WWOX: variants seen among roughly 807,000 people sequenced by gnomAD.
The protein encoded by WWOX is WW domain-containing oxidoreductase.
In WWOX, 69 loss-of-function variants were observed where a neutral mutation model predicts 46.2. The ratio of observed to expected loss-of-function variants is 1.49; its 90% CI spans 1.23 to 1.82. The LOEUF (loss-of-function observed/expected upper bound fraction) is 1.82, where lower values mean the gene tolerates loss of function less well. Among genes scored for constraint, WWOX ranks in the 40% most tolerant of loss-of-function variants. WWOX has a pLI of 0.00. For missense variants in WWOX, 919 were observed against 542.6 expected (o/e 1.69, Z -6.89); for synonymous variants, 359 against 202.6 (o/e 1.77, Z -6.56).
At chr16:79,086,936 T>C (rs1280647367) in intron 8 of WWOX, among the ~76,000 whole-genome samples, 1 of 152,132 alleles carries the variant, frequency 6.6e-6, no homozygotes, top group Non-Finnish European at 1.5e-5. Context: ...CAGTCACATC[T>C]CTAGTACAGA....
intron 8 of WWOX, among the ~76,000 whole-genome samples, chr16:79,047,116 A>G (rs1055904233): frequency 2.6e-5 from 4 of 152,174 alleles, no homozygotes; most frequent in African/African-American, 9.7e-5. Flanking sequence ...AGCCATTCAC[A>G]TATGTATTCA....
rs868697917 is a variant in WWOX at position 78,406,354 on chromosome 16, A to T, written c.606-18516A>T. On this transcript the variant is annotated intron_variant, in intron 6 of 8. Coordinates refer to ENST00000566780, the MANE Select transcript of WWOX (RefSeq NM_016373.4). ...TATATATATATATATATATATATAT[A>T]TTTTATTATTTTTTTTTGAGACGGA... Among the ~76,000 whole-genome samples the T allele has an allele frequency of 2.1e-3, 138 of 66,374 alleles. 1 individual carries two copies. The highest frequency in any genetic ancestry group is 3.5e-3 in the East Asian group (9 of 2,562). 43.5% of individuals were successfully genotyped at this position (66,374 alleles called of 152,430 possible). A position where few individuals can be genotyped will look rare whatever the true frequency, so the allele number is the denominator to read the frequency against.
intron 8 of WWOX, among the ~76,000 whole-genome samples, chr16:79,125,096 C>T (rs566518942): frequency 5.3e-5 from 8 of 150,820 alleles, no homozygotes; most frequent in Admixed American, 2.6e-4. Context: ...TATGCAGATC[C>T]TGCTAGAGAC....
intron 8 of WWOX, among the ~76,000 whole-genome samples, chr16:78,640,624 C>T (rs1045120616): frequency 6.6e-6 from 1 of 151,948 alleles, no homozygotes; most frequent in African/African-American, 2.4e-5. Context: ...CACATTGTAC[C>T]CTGGAACTTA....
At chr16:78,797,728 C>T (rs1165204001) in intron 8 of WWOX, among the ~76,000 whole-genome samples, 1 of 152,214 alleles carries the variant, frequency 6.6e-6, no homozygotes, top group African/African-American at 2.4e-5. Context: ...TAGGTCATGC[C>T]TGTAATCCCA....
At chr16:78,506,067 T>A (rs1003171497) in intron 8 of WWOX, among the ~76,000 whole-genome samples, 1 of 152,222 alleles carries the variant, frequency 6.6e-6, no homozygotes, top group Non-Finnish European at 1.5e-5. Flanking sequence ...CGGATTGGTC[T>A]GCGTCCAAGA....
intron 8 of WWOX, among the ~76,000 whole-genome samples, chr16:78,808,601 C>T (rs1445662625): frequency 6.6e-6 from 1 of 152,160 alleles, no homozygotes; most frequent in Non-Finnish European, 1.5e-5. Flanking sequence ...AGGCCTCTTC[C>T]TCACTGCTTC....
intron 8 of WWOX, among the ~76,000 whole-genome samples, chr16:78,691,451 C>T (rs1434488490): frequency 1.3e-5 from 2 of 152,138 alleles, no homozygotes; most frequent in African/African-American, 4.8e-5. Context: ...AATCTCCACA[C>T]TTTGGGAGGC....
At chr16:78,913,282 C>G (rs1370434449) in intron 8 of WWOX, among the ~76,000 whole-genome samples, 2 of 151,922 alleles carry the variant, frequency 1.3e-5, no homozygotes, top group Non-Finnish European at 2.9e-5. Context: ...ATCAGCAAGC[C>G]CGTTTTTTGC....
intron 5 of WWOX, among the ~76,000 whole-genome samples, chr16:78,174,859 G>A (rs1213920267): frequency 2.0e-5 from 3 of 152,092 alleles, no homozygotes; most frequent in Non-Finnish European, 4.4e-5. Context: ...GTGGCGGCAT[G>A]CGCCTTTAGT....
chr16:79,181,649 T>C (rs1048451246), intron 8 of WWOX, among the ~76,000 whole-genome samples: 3 of 152,168 alleles, frequency 2.0e-5, no homozygotes, highest in Non-Finnish European at 4.4e-5. Context: ...TTGGGTGGTA[T>C]CCAGTTCTTT....
intron 8 of WWOX, among the ~76,000 whole-genome samples, chr16:78,710,919 A>G (rs1000278222): frequency 2.0e-5 from 3 of 152,072 alleles, no homozygotes; most frequent in African/African-American, 7.2e-5. Flanking sequence ...GCCAAAGCCT[A>G]AGGGACCTTA....
intron 8 of WWOX, among the ~76,000 whole-genome samples, chr16:78,785,766 C>T (rs1040805958): frequency 2.0e-5 from 3 of 152,128 alleles, no homozygotes; most frequent in Non-Finnish European, 4.4e-5. Flanking sequence ...AGACATATGT[C>T]AGAACTTCAC....
chr16:79,145,613 A>T (rs2050170080), intron 8 of WWOX, among the ~76,000 whole-genome samples: 1 of 152,238 alleles, frequency 6.6e-6, no homozygotes, highest in Non-Finnish European at 1.5e-5. Context: ...AGAAGTTTTA[A>T]CAAATACAGT....
At chr16:78,939,642 A>G (rs995401945) in intron 8 of WWOX, among the ~76,000 whole-genome samples, 2 of 152,274 alleles carry the variant, frequency 1.3e-5, no homozygotes, top group African/African-American at 2.4e-5. Flanking sequence ...ATGATCAAAT[A>G]TCGAATTATT....
At chr16:78,658,212 C>G (rs1054592041) in intron 8 of WWOX, among the ~76,000 whole-genome samples, 3 of 152,280 alleles carry the variant, frequency 2.0e-5, no homozygotes, top group Non-Finnish European at 4.4e-5. Context: ...TGGATGAGAA[C>G]CCCTGCTTTA....
At chr16:78,606,912 A>C (rs992990941) in intron 8 of WWOX, among the ~76,000 whole-genome samples, 3 of 152,080 alleles carry the variant, frequency 2.0e-5, no homozygotes, top group African/African-American at 7.2e-5. Context: ...ATTGTCTTTT[A>C]TGTCCACAGC....
At chr16:78,830,042 G>A (rs1028327788) in intron 8 of WWOX, among the ~76,000 whole-genome samples, 1 of 152,106 alleles carries the variant, frequency 6.6e-6, no homozygotes, top group Non-Finnish European at 1.5e-5. Flanking sequence ...AGGATCACTA[G>A]AGGTCAGGAG....
intron 8 of WWOX, among the ~76,000 whole-genome samples, chr16:78,695,308 C>G (rs1394208230): frequency 6.6e-6 from 1 of 152,128 alleles, no homozygotes; most frequent in Admixed American, 6.6e-5. Context: ...CTTCCCCCCA[C>G]TTTTTCTCTC....
Sources: gnomAD v4.1 joint callset for allele counts (sites outside exome capture counted in the v4.1 genomes callset) on GRCh38, gnomAD v4.1.1 for gene constraint, MANE v1.5 for transcripts, NCBI Gene and HGNC (gene_info 2026-07-23, HGNC 2026-07-21) for gene names.